Variants in UNC13C observed in about 807,000 individuals in gnomAD.
The protein encoded by UNC13C is protein unc-13 homolog C.
UNC13C carries 174 observed loss-of-function variants against 245.4 expected under a neutral mutation model. The observed-to-expected ratio is 0.71, with a 90% confidence interval of 0.63 to 0.80. UNC13C has a LOEUF of 0.80. UNC13C is among the 30% of genes least tolerant of loss of function. The probability of loss-of-function intolerance (pLI) is 0.00; values close to 1 mark genes in which losing one functional copy is unlikely to be tolerated. For missense variants in UNC13C, 2,829 were observed against 2,602.9 expected (o/e 1.09, Z -1.89); for synonymous variants, 992 against 895.1 (o/e 1.11, Z -1.93).
intron 2 of UNC13C, among the ~76,000 whole-genome samples, chr15:54,124,126 TTTGGG>T (rs2030869738): frequency 6.6e-6 from 1 of 152,212 alleles, no homozygotes; most frequent in Non-Finnish European, 1.5e-5. Context: ...ATATTTCCAG[TTTGGG>T]TTATTAAAAT....
intron 19 of UNC13C, among the ~76,000 whole-genome samples, chr15:54,418,732 A>G (rs1030970024): frequency 1.3e-5 from 2 of 152,150 alleles, no homozygotes; most frequent in African/African-American, 4.8e-5. Context: ...ATAAACATAA[A>G]AGACAATAAA....
intron 2 of UNC13C, among the ~76,000 whole-genome samples, chr15:54,071,691 A>G (rs1479167891): frequency 1.3e-5 from 2 of 152,206 alleles, no homozygotes; most frequent in African/African-American, 4.8e-5. Context: ...ATTTCATGAC[A>G]TATGAAAATT....
At chr15:53,902,292 C>G in the UNC13C span, among the ~76,000 whole-genome samples, 1 of 152,148 alleles carries the variant, frequency 6.6e-6, no homozygotes, top group Non-Finnish European at 1.5e-5. Context: ...GGTATACCTT[C>G]CTAGATACAG....
chr15:54,067,119 G>T (rs977720168), intron 2 of UNC13C, among the ~76,000 whole-genome samples: 9 of 151,920 alleles, frequency 5.9e-5, no homozygotes, highest in African/African-American at 2.2e-4. Flanking sequence ...CTATACTCCT[G>T]TTTGGTTCGA....
chr15:54,630,393 A>G (rs563948870), downstream of UNC13C: 2 of 151,966 alleles, frequency 1.3e-5, no homozygotes, highest in South Asian at 4.1e-4. Context: ...GTCTTTTTTA[A>G]AAACAATGCG....
intron 2 of UNC13C, among the ~76,000 whole-genome samples, chr15:54,038,982 C>T (rs1896702718): frequency 6.6e-6 from 1 of 152,082 alleles, no homozygotes; most frequent in Non-Finnish European, 1.5e-5. Flanking sequence ...GTAAAGGCTA[C>T]AAATTAATGG....
chr15:53,956,996 C>T, the UNC13C span, among the ~76,000 whole-genome samples: 1 of 151,946 alleles, frequency 6.6e-6, no homozygotes, highest in South Asian at 2.1e-4. Context: ...GTTCAAAACA[C>T]TGATATTATC....
At chr15:53,870,779 T>G in the UNC13C span, among the ~76,000 whole-genome samples, 2 of 152,158 alleles carry the variant, frequency 1.3e-5, no homozygotes. Flanking sequence ...GCACAGAGGT[T>G]TAAGAAGTTT....
chr15:54,251,202 C>T (rs985972870), intron 8 of UNC13C, among the ~76,000 whole-genome samples: 27 of 152,164 alleles, frequency 1.8e-4, no homozygotes, highest in African/African-American at 6.0e-4. Context: ...CTGGTGCCTG[C>T]CTGGCAGGAT....
At chr15:53,897,425 T>G in the UNC13C span, among the ~76,000 whole-genome samples, 2 of 152,204 alleles carry the variant, frequency 1.3e-5, no homozygotes, top group African/African-American at 4.8e-5. Flanking sequence ...ACAATAATTT[T>G]ATACATACAT....
At chr15:53,877,388 G>T in the UNC13C span, among the ~76,000 whole-genome samples, 1 of 152,140 alleles carries the variant, frequency 6.6e-6, no homozygotes, top group Non-Finnish European at 1.5e-5. Flanking sequence ...GCTCAGGGAA[G>T]ACAGACCCTA....
chr15:54,469,945 G>T (rs1892369585), intron 19 of UNC13C, among the ~76,000 whole-genome samples: 1 of 151,486 alleles, frequency 6.6e-6, no homozygotes, highest in South Asian at 2.1e-4. Flanking sequence ...AAACTAATTT[G>T]TTGAGTGGTA....
At chr15:53,956,214 T>C in the UNC13C span, among the ~76,000 whole-genome samples, 4 of 152,130 alleles carry the variant, frequency 2.6e-5, no homozygotes, top group Non-Finnish European at 5.9e-5. Flanking sequence ...AAAAATTAAC[T>C]ATTGGGTACT....
intron 2 of UNC13C, among the ~76,000 whole-genome samples, chr15:54,045,675 C>T (rs1233251968): frequency 1.3e-5 from 2 of 152,136 alleles, no homozygotes; most frequent in Non-Finnish European, 2.9e-5. Flanking sequence ...TTTTTCTTAA[C>T]CATACACCTG....
chr15:54,087,612 T>A (rs941865787), intron 2 of UNC13C, among the ~76,000 whole-genome samples: 2 of 152,222 alleles, frequency 1.3e-5, no homozygotes, highest in African/African-American at 4.8e-5. Flanking sequence ...ATTAGTGTGA[T>A]GTGGGTGACT....
At chr15:54,042,443 A>C (rs1896845559) in intron 2 of UNC13C, among the ~76,000 whole-genome samples, 1 of 152,220 alleles carries the variant, frequency 6.6e-6, no homozygotes, top group African/African-American at 2.4e-5. Flanking sequence ...GAAAGAGGAA[A>C]GATACAAATA....
chr15:53,879,848 CT>C, the UNC13C span, among the ~76,000 whole-genome samples: 9 of 152,020 alleles, frequency 5.9e-5, no homozygotes, highest in South Asian at 2.1e-4. Flanking sequence ...GCCTGATTCT[CT>C]TTTTAAAACT....
At chr15:54,047,836 T>A (rs1036580765) in intron 2 of UNC13C, among the ~76,000 whole-genome samples, 11 of 152,176 alleles carry the variant, frequency 7.2e-5, no homozygotes, top group African/African-American at 2.4e-4. Context: ...CATACATTTT[T>A]AAATAGTTCA....
At chr15:54,028,720 C>T (rs1452693483) in intron 2 of UNC13C, among the ~76,000 whole-genome samples, 1 of 126,750 alleles carries the variant, frequency 7.9e-6, no homozygotes, top group African/African-American at 2.9e-5. Flanking sequence ...CGGAGTCTCG[C>T]TCTGTTGTCA....
Sources: allele counts gnomAD v4.1 joint callset (sites outside exome capture counted in the v4.1 genomes callset), GRCh38; gene constraint gnomAD v4.1.1; transcripts MANE v1.5; gene names NCBI Gene and HGNC (gene_info 2026-07-23, HGNC 2026-07-21).